RNF7: variants seen among roughly 807,000 people sequenced by gnomAD.
RNF7 encodes the protein ring finger protein 7.
Under a neutral mutation model 17.0 loss-of-function variants are expected in RNF7, and 9 were observed. The observed-to-expected ratio is 0.53, with a 90% CI of 0.32 to 0.92. The LOEUF (loss-of-function observed/expected upper bound fraction) is 0.92. Among genes scored for constraint, RNF7 ranks in the 40% least tolerant of loss-of-function variants. The pLI is 0.04. For missense variants in RNF7, 87 were observed against 145.8 expected (o/e 0.60, Z 2.08); for synonymous variants, 59 against 50.5 (o/e 1.17, Z -0.72).
rs975239274 is a variant in RNF7 at position 141,745,390 on chromosome 3, G to A, written c.*113G>A. On this transcript the variant is annotated 3_prime_UTR_variant, in exon 3 of 3. Coordinates refer to ENST00000273480, the MANE Select transcript of RNF7 (RefSeq NM_014245.5). ...GGGATGAATTCTTCAAATAGGAGCC[G>A]ATGGATCTGTGGTCCTTTGGGACTC... 79 of 640,876 alleles carry A rather than the reference G, an allele frequency of 1.2e-4. No homozygotes were observed. The highest frequency in any genetic ancestry group is 6.5e-4 in the African/African-American group (35 of 54,176). The allele number at this position is 640,876 out of a possible 1,614,324, so 39.7% of individuals were successfully genotyped here.
chr3:141,738,516 G>A lies in RNF7; in HGVS notation c.175G>A (p.Asp59Asn). The A allele has an allele frequency of 6.2e-7, 1 of 1,610,940 alleles. No homozygotes were observed. The highest frequency in any genetic ancestry group is 8.5e-7 in the Non-Finnish European group (1 of 1,178,146). ...TCAICRVQVM[D>N]ACLRCQAENK... The stretch of plus-strand genomic sequence containing the variant: ...CGCCATCTGCAGGGTCCAGGTGATG[G>A]GTAAGCGCTGCACGCGAGTCCAGGG... The change falls in exon 1 of 3, where the codon GAT becomes AAT. Residue 59 changes from aspartate to asparagine, a missense_variant and splice_region_variant. Physicochemically the swap from Asp to Asn is conservative, Grantham distance 23. This residue lies in a region of RNF7 where 36 missense variants were observed against 104.7 expected (regional missense o/e 0.34). Coordinates refer to ENST00000273480, the MANE Select transcript of RNF7 (RefSeq NM_014245.5).
intron 1 of RNF7, 128 bp downstream of exon 1, chr3:141,738,644 C>A: frequency 1.0e-6 from 1 of 1,002,790 alleles, no homozygotes; most frequent in Non-Finnish European, 1.4e-6. Flanking sequence ...TGGAGGTCGC[C>A]CTGCCCCGGC....
rs1559832693 is a variant in RNF7, at chr3:141,745,420, A to G, written c.*143A>G. ...ATCTGTGGTCCTTTGGGACTCATCAAAGCCTTGGTTTAGCATTTTGTCAGT... is the reference window on the plus strand; with the variant it reads ...ATCTGTGGTCCTTTGGGACTCATCAGAGCCTTGGTTTAGCATTTTGTCAGT... On this transcript the variant is annotated 3_prime_UTR_variant, in exon 3 of 3. Coordinates refer to ENST00000273480, the MANE Select transcript of RNF7 (RefSeq NM_014245.5). 3 of 502,816 alleles carry G rather than the reference A, an allele frequency of 6.0e-6. No homozygotes were observed. Among genetic ancestry groups the G allele is most frequent in the South Asian group, 6.4e-5 (2 of 31,206 alleles). The allele number at this position is 502,816 out of a possible 1,614,324, so 31.1% of individuals were successfully genotyped here.
At chr3:141,742,861 G>A in intron 1 of RNF7, 1 of 1,107,872 alleles carries the variant, frequency 9.0e-7, no homozygotes, top group South Asian at 2.0e-5. Context: ...AGGGTAGAAA[G>A]TAAAAAGTTG....
chr3:141,744,616 A>G (rs1559832453), intron 2 of RNF7, among the ~76,000 whole-genome samples: 1 of 152,238 alleles, frequency 6.6e-6, no homozygotes, highest in Non-Finnish European at 1.5e-5. Context: ...TTTCATCGTC[A>G]CATGAGGAAT....
At chr3:141,739,186 A>G (rs2084389764) in intron 1 of RNF7, among the ~76,000 whole-genome samples, 1 of 151,718 alleles carries the variant, frequency 6.6e-6, no homozygotes, top group Middle Eastern at 3.4e-3. Context: ...TCTAAGTTTC[A>G]TGGAAGCTGA....
At chr3:141,745,048 TTAAC>T (rs1577901189) in intron 2 of RNF7, 107 bp from the exon 3 acceptor site, 10 of 668,984 alleles carry the variant, frequency 1.5e-5, no homozygotes, top group African/African-American at 5.5e-5. Flanking sequence ...TTTTGGCCAA[TTAAC>T]TATCTTTTTT....
rs1438843288 is a variant in RNF7, at chr3:141,745,470, T to A, written c.*193T>A. The A allele has an allele frequency of 2.2e-5, 9 of 403,710 alleles. No homozygotes were observed. The highest frequency in any genetic ancestry group is 4.5e-5 in the East Asian group (1 of 22,384). 25.0% of individuals were successfully genotyped at this position (403,710 alleles called of 1,614,324 possible). A position where few individuals can be genotyped will look rare whatever the true frequency, so the allele number is the denominator to read the frequency against. ...TTTTATCTTCAGAAATTCTCTGCGA[T>A]TAAGAAGATAATTTATTAAAGGTGG... is the stretch of plus-strand genomic sequence containing the variant. On this transcript the variant is annotated 3_prime_UTR_variant, in exon 3 of 3. Coordinates refer to ENST00000273480, the MANE Select transcript of RNF7 (RefSeq NM_014245.5).
intron 1 of RNF7, among the ~76,000 whole-genome samples, chr3:141,741,717 G>C (rs1047705295): frequency 3.9e-5 from 6 of 151,958 alleles, no homozygotes; most frequent in African/African-American, 1.5e-4. Context: ...AAAACTTCTA[G>C]TACAGCCTTT....
intron 1 of RNF7, 103 bp from the exon 2 acceptor site, chr3:141,743,406 T>C (rs745979563): frequency 3.8e-5 from 30 of 784,528 alleles, no homozygotes; most frequent in Non-Finnish European, 5.3e-5. Flanking sequence ...TATGAGTCTT[T>C]ATTGCCATCC....
chr3:141,743,643 A>G (rs1020857896), intron 2 of RNF7, 87 bp downstream of exon 2: 1 of 943,646 alleles, frequency 1.1e-6, no homozygotes, highest in African/African-American at 1.7e-5. Context: ...GATTGACTTT[A>G]TCAATACACA....
chr3:141,741,763 A>C (rs72998395), intron 1 of RNF7, among the ~76,000 whole-genome samples: 11,051 of 151,916 alleles, frequency 0.073, 1,352 homozygotes, highest in African/African-American at 0.25. Context: ...CTACTCCACT[A>C]TATTAGAAGT....
At position 141,738,532 on chromosome 3, in the gene RNF7, G is replaced by T; in HGVS notation, c.175+16G>T. The T allele has an allele frequency of 6.2e-7, 1 of 1,602,062 alleles. No homozygotes were observed. The highest frequency in any genetic ancestry group is 8.5e-7 in the Non-Finnish European group (1 of 1,172,806). ...CAGGTGATGGGTAAGCGCTGCACGCGAGTCCAGGGCCGCCCTGCGGCCTCC... is the reference window on the plus strand; with the variant it reads ...CAGGTGATGGGTAAGCGCTGCACGCTAGTCCAGGGCCGCCCTGCGGCCTCC... On this transcript the variant is annotated intron_variant, in intron 1 of 2. Transcript: ENST00000273480.
chr3:141,745,316 C>A lies in RNF7; in HGVS notation c.*39C>A. 7.4e-7 allele frequency: 1 copy of A among 1,358,390 alleles called. No homozygotes were observed. The highest frequency in any genetic ancestry group is 1.1e-6 in the Non-Finnish European group (1 of 952,062). The allele number at this position is 1,358,390 out of a possible 1,614,324, so 84.1% of individuals were successfully genotyped here. On this transcript the variant is annotated 3_prime_UTR_variant, in exon 3 of 3. Transcript: ENST00000273480. Reference sequence around the variant, plus strand: ...GCTTCTTAGCGCAGTTGTTCAGAGCCCTGGTGGATCTTGTAATCCAGTGCC... The same window carrying A: ...GCTTCTTAGCGCAGTTGTTCAGAGCACTGGTGGATCTTGTAATCCAGTGCC...
chr3:141,739,829 AC>A (rs2084396578), intron 1 of RNF7, among the ~76,000 whole-genome samples: 1 of 152,040 alleles, frequency 6.6e-6, no homozygotes, highest in Admixed American at 6.6e-5. Flanking sequence ...GGAGTTTGAG[AC>A]CAGCCTAGGC....
At chr3:141,745,117 A>C (rs770363603) in intron 2 of RNF7, 42 bp from the exon 3 acceptor site, 7 of 1,317,536 alleles carry the variant, frequency 5.3e-6, no homozygotes, top group African/African-American at 1.5e-5. Flanking sequence ...CAGTGTTTAA[A>C]TTGAAATATG....
chr3:141,743,706 CAA>C (rs2084443954), intron 2 of RNF7, 150 bp downstream of exon 2: 1 of 542,312 alleles, frequency 1.8e-6, no homozygotes, highest in African/African-American at 1.9e-5. Context: ...TGTTGGTTCT[CAA>C]AAGAGTTTAA....
At chr3:141,740,266 C>G (rs919449994) in intron 1 of RNF7, among the ~76,000 whole-genome samples, 1 of 151,436 alleles carries the variant, frequency 6.6e-6, no homozygotes, top group Non-Finnish European at 1.5e-5. Flanking sequence ...TAGTTCCTTT[C>G]CAGTTTAAAA....
In RNF7 at chr3:141,746,640, A is replaced by G. The variant is rs983137428; in HGVS notation, c.*1363A>G. The G allele has an allele frequency of 6.6e-6, 1 of 152,222 alleles. No individual in the cohort carries two copies. The highest frequency in any genetic ancestry group is 6.5e-5 in the Admixed American group (1 of 15,284). The allele number at this position is 152,222 out of a possible 1,614,324, so 9.4% of individuals were successfully genotyped here. ...AGTTCATTTTGTATTCTTCTGTAGT[A>G]GAGGCTACTGATATGAATTTAAGAA... On this transcript the variant is annotated 3_prime_UTR_variant, in exon 3 of 3. Coordinates refer to ENST00000273480, the MANE Select transcript of RNF7 (RefSeq NM_014245.5).
Sources: allele counts gnomAD v4.1 joint callset (sites outside exome capture counted in the v4.1 genomes callset), GRCh38; gene constraint gnomAD v4.1.1; regional missense constraint gnomAD v4.1.1; transcripts MANE v1.5; gene names NCBI Gene and HGNC (gene_info 2026-07-23, HGNC 2026-07-21).